NET1: variants seen among roughly 807,000 people sequenced by gnomAD.
The protein encoded by NET1 is neuroepithelial cell transforming 1.
In NET1, 42 loss-of-function variants were observed where a neutral mutation model predicts 61.1. The observed-to-expected ratio is 0.69, with a 90% confidence interval of 0.54 to 0.89. NET1 has a LOEUF of 0.89. NET1 is among the 40% of genes least tolerant of loss of function. NET1 has a pLI of 0.00. For missense variants in NET1, 654 were observed against 747.3 expected, an observed-to-expected ratio of 0.88 and a Z score of 1.46; for synonymous variants, 254 against 281.8, an observed-to-expected ratio of 0.90 and a Z score of 0.99.
intron 1 of NET1, among the ~76,000 whole-genome samples, chr10:5,414,072 G>A (rs1265611127): frequency 2.0e-5 from 3 of 152,190 alleles, no homozygotes; most frequent in South Asian, 2.1e-4. Context: ...ATTTCAGGCA[G>A]AGAAGCATGT....
Position 5,439,021 on chromosome 10 carries a change from T to C in NET1, c.255+9792T>C, listed in dbSNP as rs528718989. On this transcript the variant is annotated intron_variant, in intron 3 of 11. Transcript: ENST00000355029. The surrounding 1 kb of genome is among the most constrained non-coding windows in gnomAD (Gnocchi z 4.8). ...CATTAACATGAGAGACAAGGCTCCT[T>C]CCACTTTGTGGCCATTCTCATAGGC... 1.8e-3 allele frequency among the ~76,000 whole-genome samples: 281 copies of C among 152,350 alleles called. 1 individual carries two copies. Among genetic ancestry groups the C allele is most frequent in the African/African-American group, 6.4e-3 (268 of 41,590 alleles).
chr10:5,431,726 C>T lies in NET1; in HGVS notation c.255+2497C>T, dbSNP rs1308868479. ...TTTTTTTTCTCCTTAGTATTATGAA[C>T]TCATGCATATAAATACTTGTTTTAC... On this transcript the variant is annotated intron_variant, in intron 3 of 11. Transcript: ENST00000355029. This position sits in a 1 kb window ranked among gnomAD's most constrained non-coding sequence, Gnocchi z 4.9. Among the ~76,000 whole-genome samples, 1 of 151,964 alleles carries T rather than the reference C, an allele frequency of 6.6e-6. No homozygotes were observed. The highest frequency in any genetic ancestry group is 1.9e-4 in the East Asian group (1 of 5,186).
At chr10:5,436,583 A>G (rs529722957) in intron 3 of NET1, among the ~76,000 whole-genome samples, 94 of 152,072 alleles carry the variant, frequency 6.2e-4, no homozygotes, top group Middle Eastern at 3.4e-3. Context: ...TTTTAGATTA[A>G]ACATAATAAT....
chr10:5,453,089 A>G lies in NET1; in HGVS notation c.595-161A>G. 1 of 710,918 alleles carries G rather than the reference A, an allele frequency of 1.4e-6. No individual in the cohort carries two copies. The highest frequency in any genetic ancestry group is 2.5e-5 in the East Asian group (1 of 39,640). 44.0% of individuals were successfully genotyped at this position (710,918 alleles called of 1,614,324 possible). On this transcript the variant is annotated intron_variant, in intron 6 of 11. Coordinates refer to ENST00000355029, the MANE Select transcript of NET1 (RefSeq NM_001047160.3). The surrounding 1 kb of genome is among the most constrained non-coding windows in gnomAD (Gnocchi z 4.9). ...CACATCCTCAAATACAAGTATTAGT[A>G]AGAGAGTTTATTTGGGGATTAATAC...
intron 3 of NET1, among the ~76,000 whole-genome samples, chr10:5,430,011 CTCA>C (rs200434998): frequency 0.017 from 2,534 of 152,166 alleles, 34 homozygotes; most frequent in Non-Finnish European, 0.027. Flanking sequence ...TTATAATCTG[CTCA>C]TCAACATTTT....
rs191031209 is a variant in NET1 at position 5,457,541 on chromosome 10, A to T, written c.*547A>T. ...TTTATCAACTGGAATGCTTTATATT[A>T]GTTTGTTTTTCACTGTACATTCCTC... On this transcript the variant is annotated 3_prime_UTR_variant, in exon 12 of 12. Transcript: ENST00000355029. The surrounding 1 kb of genome is among the most constrained non-coding windows in gnomAD (Gnocchi z 5.4). 6.5e-6 allele frequency: 1 copy of T among 152,708 alleles called. No homozygotes were observed. The highest frequency in any genetic ancestry group is 2.4e-5 in the African/African-American group (1 of 41,560). 9.5% of individuals were successfully genotyped at this position (152,708 alleles called of 1,614,324 possible). A position where few individuals can be genotyped will look rare whatever the true frequency, so the allele number is the denominator to read the frequency against.
At position 5,455,123 on chromosome 10, in the gene NET1, G is replaced by A. The variant is rs1183629418; in HGVS notation, c.1197+5G>A. On this transcript the variant is annotated splice_donor_5th_base_variant and intron_variant, in intron 10 of 11. Coordinates refer to ENST00000355029, the MANE Select transcript of NET1 (RefSeq NM_001047160.3). The surrounding 1 kb of genome is among the most constrained non-coding windows in gnomAD (Gnocchi z 6.5). The stretch of plus-strand genomic sequence containing the variant: ...CTGCGGAGCAAGAGTGGACATGTAG[G>A]TGACTTTTGCTGCCGTGGCAGAGCA... The A allele has an allele frequency of 3.1e-6, 5 of 1,612,468 alleles. No individual in the cohort carries two copies. The highest frequency in any genetic ancestry group is 1.1e-5 in the South Asian group (1 of 90,998).
intron 3 of NET1, among the ~76,000 whole-genome samples, chr10:5,433,768 C>T (rs1832383730): frequency 6.6e-6 from 1 of 150,936 alleles, no homozygotes; most frequent in Non-Finnish European, 1.5e-5. Flanking sequence ...TATTTTGTTT[C>T]CCCTCTGTAC....
chr10:5,424,969 G>A lies in NET1; in HGVS notation c.129-1686G>A, dbSNP rs1445890301. Among the ~76,000 whole-genome samples the A allele has an allele frequency of 6.6e-6, 1 of 152,190 alleles. No homozygotes were observed. Among genetic ancestry groups the A allele is most frequent in the Non-Finnish European group, 1.5e-5 (1 of 68,032 alleles). ...ACAATCTATTGTTCACGTTACTTAAGATTCAATGGCTGCCACACATACTCA... is the reference window on the plus strand; with the variant it reads ...ACAATCTATTGTTCACGTTACTTAAAATTCAATGGCTGCCACACATACTCA... On this transcript the variant is annotated intron_variant, in intron 1 of 11. Transcript: ENST00000355029. The surrounding 1 kb of genome is among the most constrained non-coding windows in gnomAD (Gnocchi z 6.1).
intron 3 of NET1, among the ~76,000 whole-genome samples, 153 bp downstream of exon 3, chr10:5,429,382 T>C (rs1462878147): frequency 6.6e-6 from 1 of 152,224 alleles, no homozygotes; most frequent in Non-Finnish European, 1.5e-5. Flanking sequence ...TATTAGTTCA[T>C]AGACACCGTC....
Position 5,451,863 on chromosome 10 carries a change from C to A in NET1, c.289C>A (p.Arg97Ser). Reference sequence around the variant, plus strand: ...CAATAAAAGAGTTCGACCTCTGGCTCGTGTCACGTCCTTGGCAAATTTAAT... The same window carrying A: ...CAATAAAAGAGTTCGACCTCTGGCTAGTGTCACGTCCTTGGCAAATTTAAT... ...PSNKRVRPLARVTSLANLISP... is the reference protein window; with the variant it reads ...PSNKRVRPLASVTSLANLISP... The change falls in exon 4 of 12, where the codon CGT (arginine) becomes AGT (serine). Residue 97 changes from arginine to serine, a missense_variant. Coordinates refer to ENST00000355029, the MANE Select transcript of NET1 (RefSeq NM_001047160.3). This position sits in a 1 kb window ranked among gnomAD's most constrained non-coding sequence, Gnocchi z 6.1. 1.2e-6 allele frequency: 2 copies of A among 1,613,856 alleles called. No individual in the cohort carries two copies. The highest frequency in any genetic ancestry group is 1.7e-6 in the Non-Finnish European group (2 of 1,179,864).
At position 5,452,496 on chromosome 10, in the gene NET1, C is replaced by T. The variant is rs755797607; in HGVS notation, c.502C>T (p.Leu168Phe). Residue 168 changes from leucine (L) to phenylalanine (F), a missense_variant, in exon 5 of 12, where the codon CTC becomes TTC. Transcript: ENST00000355029. This position sits in a 1 kb window ranked among gnomAD's most constrained non-coding sequence, Gnocchi z 4.0. ...GCTGGACATCACCATGAAGGAGTCTCTCACCACCAGGGAGATCAGACGGCA... is the reference window on the plus strand; with the variant it reads ...GCTGGACATCACCATGAAGGAGTCTTTCACCACCAGGGAGATCAGACGGCA... ...EMLDITMKES[L>F]TTREIRRQEA... 6.2e-7 allele frequency: 1 copy of T among 1,613,948 alleles called. No homozygotes were observed. The highest frequency in any genetic ancestry group is 8.5e-7 in the Non-Finnish European group (1 of 1,179,964).
In NET1 at chr10:5,426,516, C is replaced by A. The variant is rs764057501; in HGVS notation, c.129-139C>A. 27 of 591,328 alleles carry A rather than the reference C, an allele frequency of 4.6e-5. No individual in the cohort carries two copies. The highest frequency in any genetic ancestry group is 3.3e-5 in the Non-Finnish European group (11 of 337,730). 36.6% of individuals were successfully genotyped at this position (591,328 alleles called of 1,614,324 possible). A position where few individuals can be genotyped will look rare whatever the true frequency, so the allele number is the denominator to read the frequency against. ...TTTTATATATATATAGACCATCTCT[C>A]ATATTACTAAGATTGAATGACAAAT... is the stretch of plus-strand genomic sequence containing the variant. On this transcript the variant is annotated intron_variant, in intron 1 of 11. Transcript: ENST00000355029. The surrounding 1 kb of genome is among the most constrained non-coding windows in gnomAD (Gnocchi z 4.6).
rs1554818455 is a variant in NET1, at chr10:5,451,511, T to TTTA, written c.256-319_256-318insTTA. Among the ~76,000 whole-genome samples the TTTA allele has an allele frequency of 0.068, 10,058 of 147,676 alleles. 456 individuals are homozygous for TTTA. Among genetic ancestry groups the TTTA allele is most frequent in the South Asian group, 0.11 (499 of 4,644 alleles). ...TTTTCATAACAATAAGGCTTTTTTT[T>TTTA]AAAAAAAAAAAAAGTTATTCCCTGC... is the stretch of plus-strand genomic sequence containing the variant. On this transcript the variant is annotated intron_variant, in intron 3 of 11. Transcript: ENST00000355029. This position sits in a 1 kb window ranked among gnomAD's most constrained non-coding sequence, Gnocchi z 6.1.
rs1239002544 is a variant in NET1 at position 5,441,800 on chromosome 10, T to G, written c.256-10030T>G. Among the ~76,000 whole-genome samples the G allele has an allele frequency of 6.6e-6, 1 of 152,354 alleles. No individual in the cohort carries two copies. The highest frequency in any genetic ancestry group is 6.5e-5 in the Admixed American group (1 of 15,306). The stretch of plus-strand genomic sequence containing the variant: ...TTCTTTCGTACTTATCCAGTTCAAA[T>G]GTAACTCTTTTTGTTTTTAAGTTAT... On this transcript the variant is annotated intron_variant, in intron 3 of 11. Transcript: ENST00000355029. This position sits in a 1 kb window ranked among gnomAD's most constrained non-coding sequence, Gnocchi z 4.6.
intron 3 of NET1, among the ~76,000 whole-genome samples, chr10:5,436,218 G>GCA (rs1400603494): frequency 3.0e-4 from 12 of 40,520 alleles, no homozygotes; most frequent in African/African-American, 1.0e-3. Context: ...GTGTGTGTGT[G>GCA]TGTGTGCATA....
In NET1 at chr10:5,423,386, C is replaced by CT. The variant is rs1832209843; in HGVS notation, c.129-3266dup. On this transcript the variant is annotated intron_variant, in intron 1 of 11. Coordinates refer to ENST00000355029, the MANE Select transcript of NET1 (RefSeq NM_001047160.3). This position sits in a 1 kb window ranked among gnomAD's most constrained non-coding sequence, Gnocchi z 4.4. ...AAGATGCTTTTCTTTTGAACAGCAG[C>CT]TTTATCATTTTAATTATGATTTCTT... Among the ~76,000 whole-genome samples the CT allele has an allele frequency of 6.6e-6, 1 of 152,108 alleles. No homozygotes were observed. Among genetic ancestry groups the CT allele is most frequent in the South Asian group, 2.1e-4 (1 of 4,826 alleles).
Position 5,417,928 on chromosome 10 carries a change from T to G in NET1, c.128+5108T>G, listed in dbSNP as rs957814225. Among the ~76,000 whole-genome samples the G allele has an allele frequency of 2.0e-5, 3 of 152,194 alleles. No homozygotes were observed. The highest frequency in any genetic ancestry group is 7.2e-5 in the African/African-American group (3 of 41,442). The stretch of plus-strand genomic sequence containing the variant: ...TTGTCTATTGAAATGATCATGTGGT[T>G]GTTGTTATTACTGATGTGTTACATT... On this transcript the variant is annotated intron_variant, in intron 1 of 11. Transcript: ENST00000355029. This position sits in a 1 kb window ranked among gnomAD's most constrained non-coding sequence, Gnocchi z 5.5.
chr10:5,451,841 T>TA lies in NET1; in HGVS notation c.271dup (p.Arg91LysfsTer38). The TA allele has an allele frequency of 4.3e-6, 7 of 1,613,602 alleles. No individual in the cohort carries two copies. Among genetic ancestry groups the TA allele is most frequent in the Non-Finnish European group, 5.1e-6 (6 of 1,179,656 alleles). ...GTTTGTTTTTATAGGAGCCAAGCAATAAAAGAGTTCGACCTCTGGCTCGTG... is the reference window on the plus strand; with the variant it reads ...GTTTGTTTTTATAGGAGCCAAGCAATAAAAAGAGTTCGACCTCTGGCTCGTG... On this transcript the variant is annotated frameshift_variant, in exon 4 of 12. Transcript: ENST00000355029. LOFTEE classifies it high-confidence loss of function. This position sits in a 1 kb window ranked among gnomAD's most constrained non-coding sequence, Gnocchi z 6.1.
Sources: gnomAD v4.1 joint callset for allele counts (sites outside exome capture counted in the v4.1 genomes callset) on GRCh38, gnomAD v4.1.1 for gene constraint, Gnocchi (gnomAD v3.1) non-coding constraint, MANE v1.5 for transcripts, NCBI Gene and HGNC (gene_info 2026-07-23, HGNC 2026-07-21) for gene names.